VPS33A: variants seen among roughly 807,000 people sequenced by gnomAD.
VPS33A encodes the protein vacuolar protein sorting-associated protein 33A.
A neutral mutation model predicts 71.8 loss-of-function variants in VPS33A; 32 were observed. The ratio of observed to expected loss-of-function variants is 0.45; its 90% CI spans 0.34 to 0.60. VPS33A has a LOEUF of 0.60. VPS33A is among the 20% of genes least tolerant of loss of function. The pLI, the probability that VPS33A is intolerant of heterozygous loss-of-function variation, is 0.02. For missense variants in VPS33A, 625 were observed against 748.5 expected (o/e 0.84, Z 1.92); for synonymous variants, 311 against 292.7 (o/e 1.06, Z -0.64).
intron 8 of VPS33A, among the ~76,000 whole-genome samples, chr12:122,240,513 C>T (rs968872138): frequency 5.9e-5 from 9 of 152,114 alleles, no homozygotes; most frequent in African/African-American, 1.9e-4. Flanking sequence ...CCAGAATGAG[C>T]GTCAGTATGA....
rs758750958 is a variant in VPS33A at position 122,242,353 on chromosome 12, C to T, written c.1096+29G>A. 6.9e-6 allele frequency: 11 copies of T among 1,601,234 alleles called. No individual in the cohort carries two copies. The African/African-American group carries it at 9.4e-5, about 14-fold the overall frequency. Reference sequence around the variant, plus strand: ...CGTTGTATGTGCAAGTAGCCCCAGACTGAAACAATCATTACAAAGGATACT... The same window carrying T: ...CGTTGTATGTGCAAGTAGCCCCAGATTGAAACAATCATTACAAAGGATACT... On this transcript the variant is annotated intron_variant, in intron 8 of 12. Coordinates refer to ENST00000267199, the MANE Select transcript of VPS33A (RefSeq NM_022916.6).
chr12:122,250,074 G>C (rs79461763), intron 5 of VPS33A, 29 bp from the exon 6 acceptor site: 3 of 1,564,806 alleles, frequency 1.9e-6, no homozygotes, highest in Non-Finnish European at 1.7e-6. Flanking sequence ...ATGAGGTGGG[G>C]CCCCCCTGGG....
intron 9 of VPS33A, among the ~76,000 whole-genome samples, chr12:122,239,509 G>A (rs997706413): frequency 6.6e-6 from 1 of 152,156 alleles, no homozygotes; most frequent in African/African-American, 2.4e-5. Flanking sequence ...GCCAAGGTGG[G>A]CGGATCACAA....
intron 5 of VPS33A, among the ~76,000 whole-genome samples, chr12:122,250,583 A>G (rs961892752): frequency 3.3e-5 from 5 of 152,182 alleles, no homozygotes; most frequent in Admixed American, 1.3e-4. Flanking sequence ...TCTTGTGCAC[A>G]AGACACCCGA....
In VPS33A at chr12:122,242,389, A is replaced by AT. The variant is rs773027796; in HGVS notation, c.1088dup (p.Asp363GlufsTer6). 12 of 1,613,268 alleles carry AT rather than the reference A, an allele frequency of 7.4e-6. No homozygotes were observed. Among genetic ancestry groups the AT allele is most frequent in the Non-Finnish European group, 1.0e-5 (12 of 1,179,344 alleles). ...ATTACAAAGGATACTCACTAGTGACATCTTTGATCAATTCTGCAATTGAGG... is the reference window on the plus strand; with the variant it reads ...ATTACAAAGGATACTCACTAGTGACATTCTTTGATCAATTCTGCAATTGAGG... On this transcript the variant is annotated frameshift_variant, in exon 8 of 13. Coordinates refer to ENST00000267199, the MANE Select transcript of VPS33A (RefSeq NM_022916.6). LOFTEE classifies it high-confidence loss of function.
intron 10 of VPS33A, among the ~76,000 whole-genome samples, chr12:122,236,833 T>C (rs1954635088): frequency 6.6e-6 from 1 of 152,162 alleles, no homozygotes; most frequent in Non-Finnish European, 1.5e-5. Flanking sequence ...AGAGCAGAGC[T>C]GAAACCTGGA....
intron 9 of VPS33A, 79 bp from the exon 10 acceptor site, chr12:122,238,803 A>C (rs1005382256): frequency 9.4e-7 from 1 of 1,058,410 alleles, no homozygotes; most frequent in Non-Finnish European, 1.3e-6. Context: ...ACACACACAC[A>C]CACAATACAT....
At chr12:122,252,458 G>C (rs919615321) in intron 4 of VPS33A, among the ~76,000 whole-genome samples, 4 of 151,972 alleles carry the variant, frequency 2.6e-5, no homozygotes, top group Non-Finnish European at 5.9e-5. Flanking sequence ...TCTTAGTAGA[G>C]ACGGGGTTTC....
At position 122,246,290 on chromosome 12, in the gene VPS33A, T is replaced by TTTTATTTATTTATTTA. The variant is rs138644669; in HGVS notation, c.776-1544_776-1529dup. On this transcript the variant is annotated intron_variant, in intron 6 of 12. Transcript: ENST00000267199. ...TGGGAGGATCTCTCTCTCTCTCTTA[T>TTTTATTTATTTATTTA]TTTATTTATTTATTTATTTATTTAT... Among the ~76,000 whole-genome samples the TTTTATTTATTTATTTA allele has an allele frequency of 8.7e-4, 132 of 150,950 alleles. No individual in the cohort carries two copies. In the Middle Eastern group the frequency reaches 0.01, roughly 12 times the overall value.
chr12:122,264,959 T>TG (rs1393053169), intron 1 of VPS33A, among the ~76,000 whole-genome samples: 1 of 151,278 alleles, frequency 6.6e-6, no homozygotes, highest in East Asian at 1.9e-4. Flanking sequence ...TTCTTTTTTT[T>TG]TTTTTTTTGA....
At chr12:122,251,772 C>T (rs528999293) in intron 4 of VPS33A, among the ~76,000 whole-genome samples, 9 of 150,352 alleles carry the variant, frequency 6.0e-5, no homozygotes, top group Admixed American at 4.0e-4. Context: ...CAGGGCCTGT[C>T]GTGGGGTGGG....
At chr12:122,234,635 T>C (rs557000449) in intron 11 of VPS33A, among the ~76,000 whole-genome samples, 12 of 152,264 alleles carry the variant, frequency 7.9e-5, no homozygotes, top group African/African-American at 2.9e-4. Flanking sequence ...CACTGACTCC[T>C]CTAGACACTC....
Position 122,263,630 on chromosome 12 carries a change from TTA to T in VPS33A, c.236_237del (p.Ile79AsnfsTer16). The stretch of plus-strand genomic sequence containing the variant: ...TCTAGCCTGGGTCTGACAAAAAAAA[TTA>T]TATTCTTCACATCAGCTGCCGGCAA... ...NRLPAADVKN[I>X]IFFVRPRLEL... On this transcript the variant is annotated frameshift_variant, in exon 3 of 13. Coordinates refer to ENST00000267199, the MANE Select transcript of VPS33A (RefSeq NM_022916.6). LOFTEE classifies it high-confidence loss of function. 6.2e-6 allele frequency: 10 copies of T among 1,613,088 alleles called. No homozygotes were observed. Among genetic ancestry groups the T allele is most frequent in the Non-Finnish European group, 8.5e-6 (10 of 1,179,274 alleles).
At chr12:122,243,781 C>A (rs1954743591) in intron 7 of VPS33A, among the ~76,000 whole-genome samples, 1 of 152,108 alleles carries the variant, frequency 6.6e-6, no homozygotes, top group Non-Finnish European at 1.5e-5. Flanking sequence ...CTCTGCCAGG[C>A]ATGATGGCAT....
At chr12:122,256,929 T>A (rs139257467) in intron 4 of VPS33A, among the ~76,000 whole-genome samples, 1 of 152,164 alleles carries the variant, frequency 6.6e-6, no homozygotes, top group Non-Finnish European at 1.5e-5. Flanking sequence ...AGTATTGCCA[T>A]ACGTGGTAGA....
chr12:122,250,007 A>G lies in VPS33A; in HGVS notation c.639T>C (p.Phe213=), dbSNP rs747310157. The change falls in exon 6 of 13, where the codon TTT becomes TTC. Residue 213 remains phenylalanine (F), a synonymous_variant. Coordinates refer to ENST00000267199, the MANE Select transcript of VPS33A (RefSeq NM_022916.6). ...ANMMIRMKRE[F]TGSQNSIFPV... is the part of the protein sequence containing the mutation. ...GAAATATTGAATTCTGGCTTCCTGTAAACTCTCTCTTCATCCTGATCATCA... is the reference window on the plus strand; with the variant it reads ...GAAATATTGAATTCTGGCTTCCTGTGAACTCTCTCTTCATCCTGATCATCA... The G allele has an allele frequency of 6.2e-7, 1 of 1,613,972 alleles. No individual in the cohort carries two copies. The highest frequency in any genetic ancestry group is 2.2e-5 in the East Asian group (1 of 44,876).
rs745624372 is a variant in VPS33A at position 122,238,766 on chromosome 12, T to TACAC, written c.1165-43_1165-42insGTGT. On this transcript the variant is annotated intron_variant, in intron 9 of 12. Transcript: ENST00000267199. ...ATACATATACATATACATTTACATA[T>TACAC]ACATACACACACACACACACACACA... The TACAC allele has an allele frequency of 5.8e-5, 78 of 1,354,052 alleles. 2 individuals carry two copies. The East Asian group carries it at 1.3e-3, about 23-fold the overall frequency. 83.9% of individuals were successfully genotyped at this position (1,354,052 alleles called of 1,614,324 possible). A position where few individuals can be genotyped will look rare whatever the true frequency, so the allele number is the denominator to read the frequency against.
chr12:122,249,467 T>C (rs1179116874), intron 6 of VPS33A: 1 of 153,914 alleles, frequency 6.5e-6, no homozygotes, highest in East Asian at 1.9e-4. Flanking sequence ...TCAAGTGATC[T>C]GCCCGCCTTG....
chr12:122,233,412 G>C (rs1954590407), intron 11 of VPS33A, among the ~76,000 whole-genome samples: 1 of 152,076 alleles, frequency 6.6e-6, no homozygotes, highest in Non-Finnish European at 1.5e-5. Context: ...TTTTAGTAGA[G>C]ACAGGGTTTC....
Sources: allele counts gnomAD v4.1 joint callset (sites outside exome capture counted in the v4.1 genomes callset), GRCh38; gene constraint gnomAD v4.1.1; transcripts MANE v1.5; gene names NCBI Gene and HGNC (gene_info 2026-07-23, HGNC 2026-07-21).